NBPF19: variants seen among roughly 807,000 people sequenced by gnomAD.
The protein encoded by NBPF19 is NBPF member 19.
In NBPF19, 30 loss-of-function variants were observed where a neutral mutation model predicts 45.9. That is an observed-to-expected ratio of 0.65 (90% CI 0.49 to 0.89). The LOEUF is 0.89. NBPF19 is among the 40% of genes least tolerant of loss of function. The pLI is 0.00. For synonymous variants in NBPF19, 183 were observed against 181.2 expected, an observed-to-expected ratio of 1.01 and a Z score of -0.08; for missense variants, 495 against 471.8, an observed-to-expected ratio of 1.05 and a Z score of -0.46.
chr1:149,553,774 A>C lies in NBPF19; in HGVS notation c.11180A>C (p.Glu3727Ala), dbSNP rs2087106477. ...KHVGFSLDVG[E>A]IEKKGKGKKR... is the part of the protein sequence containing the mutation. ...CTGTCCATGTCTGAATTTATTGCAG[A>C]AATTGAAAAGAAGGGGAAGGGGAAG... is the stretch of plus-strand genomic sequence containing the variant. Residue 3727 changes from glutamate (E) to alanine (A), a missense_variant and splice_region_variant, in exon 93 of 94, where the codon GAA becomes GCA. Coordinates refer to ENST00000651566, the MANE Select transcript of NBPF19 (RefSeq NM_001351365.2). 9.5e-5 allele frequency: 12 copies of C among 126,852 alleles called. No homozygotes were observed. Among genetic ancestry groups the C allele is most frequent in the Non-Finnish European group, 1.3e-5 (1 of 76,068 alleles). 7.9% of individuals were successfully genotyped at this position (126,852 alleles called of 1,614,324 possible).
intron 6 of NBPF19, among the ~76,000 whole-genome samples, chr1:149,481,532 G>A (rs2085191017): frequency 7.9e-6 from 1 of 127,180 alleles, no homozygotes. Context: ...CCAGGCTGGA[G>A]TGCAGTGGCA....
Position 149,477,993 on chromosome 1 carries a change from G to C in NBPF19, c.224G>C (p.Arg75Pro), listed in dbSNP as rs1345945320. 30 of 1,498,674 alleles carry C rather than the reference G, an allele frequency of 2.0e-5. 2 individuals carry two copies. In the Admixed American group the frequency reaches 2.2e-4, roughly 11 times the overall value. 92.8% of individuals were successfully genotyped at this position (1,498,674 alleles called of 1,614,324 possible). Residue 75 changes from arginine to proline, a missense_variant, in exon 3 of 94, where the codon CGA becomes CCA. Physicochemically the swap from Arg to Pro is moderately radical, Grantham distance 103. Transcript: ENST00000651566. ...ATAAAATTTATGCTGAGGAATGAGC[G>C]ACAGTTCAAGGAGGAGAAGCTTGCA... ...DLIKFMLRNE[R>P]QFKEEKLAEQ...
At chr1:149,479,497 C>T (rs1482447342) in intron 4 of NBPF19, among the ~76,000 whole-genome samples, 1 of 150,088 alleles carries the variant, frequency 6.7e-6, no homozygotes, top group African/African-American at 2.5e-5. Context: ...TTCTCTCTCT[C>T]CATCTGCAAA....
chr1:149,487,622 G>T (rs1397947135), intron 9 of NBPF19, among the ~76,000 whole-genome samples: 2 of 150,382 alleles, frequency 1.3e-5, no homozygotes, highest in Non-Finnish European at 3.0e-5. Flanking sequence ...TATTCTCATG[G>T]TAACTGCAGG....
intron 8 of NBPF19, 114 bp downstream of exon 8, chr1:149,486,407 A>C (rs2085500637): frequency 7.4e-6 from 5 of 673,224 alleles, no homozygotes; most frequent in Non-Finnish European, 1.4e-5. Flanking sequence ...CCGTGGGCTG[A>C]ACCTATATAT....
rs1407010050 is a variant in NBPF19 at position 149,554,732 on chromosome 1, A to C, written c.11526A>C (p.Pro3842=). The C allele has an allele frequency of 2.5e-6, 4 of 1,608,010 alleles. 1 individual carries two copies. In the African/African-American group the frequency reaches 4.0e-5, roughly 16 times the overall value. ...HLVFQMLVIF[P]Q The stretch of plus-strand genomic sequence containing the variant: ...TGTTCCAGATGTTAGTCATATTCCC[A>C]CAATAGGCAGCCCTTACTAAGCCGA... The change falls in exon 94 of 94, where the codon CCA becomes CCC. Residue 3842 remains proline, a synonymous_variant. Coordinates refer to ENST00000651566, the MANE Select transcript of NBPF19 (RefSeq NM_001351365.2).
At position 149,487,775 on chromosome 1, in the gene NBPF19, CTGTGTGTGTGTGTGTGTGTG is replaced by C. The variant is rs1219803937; in HGVS notation, c.1041-208_1041-189del. 2.4e-4 allele frequency among the ~76,000 whole-genome samples: 31 copies of C among 128,758 alleles called. No homozygotes were observed. In the East Asian group the frequency reaches 2.5e-3, roughly 10 times the overall value. 84.5% of individuals were successfully genotyped at this position (128,758 alleles called of 152,430 possible). A position where few individuals can be genotyped will look rare whatever the true frequency, so the allele number is the denominator to read the frequency against. On this transcript the variant is annotated intron_variant, in intron 9 of 93. Coordinates refer to ENST00000651566, the MANE Select transcript of NBPF19 (RefSeq NM_001351365.2). ...ACCTGACCAATTGACTGAGCTCGCT[CTGTGTGTGTGTGTGTGTGTG>C]TGTGTGTGTGTGTGTGTGTGTGTGT...
At chr1:149,490,753 A>G (rs1416154127) in intron 13 of NBPF19, among the ~76,000 whole-genome samples, 1 of 55,664 alleles carries the variant, frequency 1.8e-5, no homozygotes, top group African/African-American at 8.4e-5. Context: ...AAACTTGAGC[A>G]CATTTTATGG....
intron 9 of NBPF19, 139 bp downstream of exon 9, chr1:149,487,522 G>C (rs1292872968): frequency 5.0e-6 from 5 of 998,158 alleles, no homozygotes; most frequent in Non-Finnish European, 7.9e-6. Flanking sequence ...TTGCTTTTTT[G>C]TTCTCATTAG....
intron 16 of NBPF19, among the ~76,000 whole-genome samples, chr1:149,493,218 ACT>A (rs1400968428): frequency 0.075 from 5,344 of 71,386 alleles, 461 homozygotes; most frequent in Middle Eastern, 0.18. Context: ...AATTCACACA[ACT>A]CTGATTTTGT....
Position 149,478,065 on chromosome 1 carries a change from G to C in NBPF19, c.278+18G>C, listed in dbSNP as rs1414958392. ...GAGCTCAGGTGAGGGGACCCCGTGG[G>C]GGGAGGGCAGGCGGGTAGGTGTGTA... On this transcript the variant is annotated intron_variant, in intron 3 of 93. Coordinates refer to ENST00000651566, the MANE Select transcript of NBPF19 (RefSeq NM_001351365.2). 44 of 1,568,396 alleles carry C rather than the reference G, an allele frequency of 2.8e-5. No homozygotes were observed. The African/African-American group carries it at 5.0e-4, about 18-fold the overall frequency.
chr1:149,478,896 T>G lies in NBPF19; in HGVS notation c.295T>G (p.Phe99Val), dbSNP rs1323922608. Residue 99 changes from phenylalanine to valine, a missense_variant, in exon 4 of 94, where the codon TTT becomes GTT. Physicochemically the swap from Phe to Val is conservative, Grantham distance 50. Around this residue, in one of 8 missense-constraint regions of NBPF19, gnomAD observed 69 missense variants for 87.8 expected, o/e 0.79. Coordinates refer to ENST00000651566, the MANE Select transcript of NBPF19 (RefSeq NM_001351365.2). ...AEELRQYKVL[F>V]HSQERELTQL... ...TCACCTTAGGCAATATAAAGTCCTGTTTCACTCTCAGGAACGAGAGCTGAC... is the reference window on the plus strand; with the variant it reads ...TCACCTTAGGCAATATAAAGTCCTGGTTCACTCTCAGGAACGAGAGCTGAC... 226 of 1,602,724 alleles carry G rather than the reference T, an allele frequency of 1.4e-4. 4 individuals are homozygous for G. In the East Asian group the frequency reaches 3.3e-3, roughly 23 times the overall value.
chr1:149,478,692 C>G (rs2084994184), intron 3 of NBPF19, among the ~76,000 whole-genome samples, 188 bp from the exon 4 acceptor site: 2 of 150,830 alleles, frequency 1.3e-5, no homozygotes, highest in Admixed American at 6.6e-5. Flanking sequence ...GGAGCCCTCT[C>G]TGATAGAGGG....
rs1313533902 is a variant in NBPF19, at chr1:149,554,453, G to C, written c.11289-42G>C. 1.9e-5 allele frequency: 30 copies of C among 1,607,946 alleles called. 1 individual carries two copies. The Admixed American group carries it at 2.3e-4, about 13-fold the overall frequency. Reference sequence around the variant, plus strand: ...AATCTAGTGGGGCTCTGTGGTGTCTGATTTTCCCTGGCTGCTTCTTTAGTT... The same window carrying C: ...AATCTAGTGGGGCTCTGTGGTGTCTCATTTTCCCTGGCTGCTTCTTTAGTT... On this transcript the variant is annotated intron_variant, in intron 93 of 93. Coordinates refer to ENST00000651566, the MANE Select transcript of NBPF19 (RefSeq NM_001351365.2).
In NBPF19 at chr1:149,554,906, C is replaced by G; in HGVS notation, c.*168C>G. On this transcript the variant is annotated 3_prime_UTR_variant, in exon 94 of 94. Coordinates refer to ENST00000651566, the MANE Select transcript of NBPF19 (RefSeq NM_001351365.2). Reference sequence around the variant, plus strand: ...ATGCCAGTGGCAACCTGTGCTCAGTCTGAAGACAATGGACCCACGTTAGGT... The same window carrying G: ...ATGCCAGTGGCAACCTGTGCTCAGTGTGAAGACAATGGACCCACGTTAGGT... 2.3e-6 allele frequency: 3 copies of G among 1,305,618 alleles called. No individual in the cohort carries two copies. Among genetic ancestry groups the G allele is most frequent in the South Asian group, 1.4e-5 (1 of 71,084 alleles). 80.9% of individuals were successfully genotyped at this position (1,305,618 alleles called of 1,614,324 possible).
Position 149,554,503 on chromosome 1 carries a change from G to C in NBPF19, c.11297G>C (p.Ser3766Thr). Residue 3766 changes from serine (S) to threonine (T), a missense_variant, in exon 94 of 94, where the codon AGC (serine) becomes ACC (threonine). Transcript: ENST00000651566. Reference sequence around the variant, plus strand: ...TTTGTCTCCTTTTCCAGGCTCAACAGCGTGCTGATGGAAGTGGAAGAGCCT... The same window carrying C: ...TTTGTCTCCTTTTCCAGGCTCAACACCGTGCTGATGGAAGTGGAAGAGCCT... ...DQNPPCPRLN[S>T]VLMEVEEPEV... 6.2e-7 allele frequency: 1 copy of C among 1,608,098 alleles called. No individual in the cohort carries two copies. Among genetic ancestry groups the C allele is most frequent in the Non-Finnish European group, 8.5e-7 (1 of 1,176,696 alleles).
At chr1:149,487,067 A>G (rs2085566394) in intron 8 of NBPF19, among the ~76,000 whole-genome samples, 1 of 150,744 alleles carries the variant, frequency 6.6e-6, no homozygotes, top group Non-Finnish European at 1.5e-5. Context: ...ATTGGGGAAA[A>G]ATTGCTCATT....
chr1:149,516,339 C>G (rs1421038024), intron 45 of NBPF19, among the ~76,000 whole-genome samples: 4 of 121,254 alleles, frequency 3.3e-5, no homozygotes, highest in Admixed American at 1.6e-4. Context: ...CTCTGTCTCT[C>G]TCTCTGTCTC....
Position 149,487,853 on chromosome 1 carries a change from C to G in NBPF19, c.1041-160C>G. Reference sequence around the variant, plus strand: ...TCTCGTTCATCCTTTTCTACCTGGCCCTAGTCTATCCCAACATAAAGGCAA... The same window carrying G: ...TCTCGTTCATCCTTTTCTACCTGGCGCTAGTCTATCCCAACATAAAGGCAA... On this transcript the variant is annotated intron_variant, in intron 9 of 93. Coordinates refer to ENST00000651566, the MANE Select transcript of NBPF19 (RefSeq NM_001351365.2). 2.1e-5 allele frequency among the ~76,000 whole-genome samples: 3 copies of G among 146,240 alleles called. No homozygotes were observed. The South Asian group carries it at 6.5e-4, about 32-fold the overall frequency.
Sources: allele counts gnomAD v4.1 joint callset (sites outside exome capture counted in the v4.1 genomes callset), GRCh38; gene constraint gnomAD v4.1.1; regional missense constraint gnomAD v4.1.1; transcripts MANE v1.5; gene names NCBI Gene and HGNC (gene_info 2026-07-23, HGNC 2026-07-21).